Variants in CFAP20DC observed in about 807,000 individuals in gnomAD.
CFAP20DC encodes the protein protein CFAP20DC.
Under a neutral mutation model 101.7 loss-of-function variants are expected in CFAP20DC, and 84 were observed. The ratio of observed to expected loss-of-function variants is 0.83; its 90% CI spans 0.69 to 0.99. The LOEUF is 0.99. CFAP20DC is among the 50% of genes least tolerant of loss of function. The pLI is 0.00. For missense variants in CFAP20DC, 1,007 were observed against 970.3 expected (o/e 1.04, Z -0.50); for synonymous variants, 359 against 351.2 (o/e 1.02, Z -0.25).
intron 4 of CFAP20DC, among the ~76,000 whole-genome samples, chr3:59,003,817 C>T (rs941984408): frequency 5.3e-5 from 8 of 152,148 alleles, no homozygotes; most frequent in Admixed American, 4.6e-4. Context: ...GAAAACAACA[C>T]ATAGTACATA....
At chr3:58,907,489 C>T (rs1352356876) in intron 6 of CFAP20DC, among the ~76,000 whole-genome samples, 1 of 152,198 alleles carries the variant, frequency 6.6e-6, no homozygotes, top group Non-Finnish European at 1.5e-5. Flanking sequence ...AACATCTGCA[C>T]ACTGCATTAT....
intron 3 of CFAP20DC, among the ~76,000 whole-genome samples, chr3:58,730,778 T>C (rs1424008140): frequency 5.3e-5 from 8 of 152,172 alleles, no homozygotes; most frequent in African/African-American, 1.9e-4. Flanking sequence ...ATTCATAAAA[T>C]AACTACAGAA....
Position 58,863,085 on chromosome 3 carries a change from A to C in CFAP20DC, c.1593+473T>G, listed in dbSNP as rs952593233. ...AACTTTAATTGGCACAACTCTTCAA[A>C]TTCTGGGACCATATGGAAAATAATG... is the stretch of plus-strand genomic sequence containing the variant. On this transcript the variant is annotated intron_variant, in intron 12 of 16. Transcript: ENST00000482387. The surrounding 1 kb of genome is among the most constrained non-coding windows in gnomAD (Gnocchi z 5.9). 1.0e-6 allele frequency: 1 copy of C among 996,254 alleles called. No individual in the cohort carries two copies. The highest frequency in any genetic ancestry group is 1.7e-5 in the African/African-American group (1 of 57,686). The allele number at this position is 996,254 out of a possible 1,614,324, so 61.7% of individuals were successfully genotyped here. A position where few individuals can be genotyped will look rare whatever the true frequency, so the allele number is the denominator to read the frequency against.
At chr3:59,028,755 T>A (rs1407412845) in intron 4 of CFAP20DC, among the ~76,000 whole-genome samples, 1 of 152,176 alleles carries the variant, frequency 6.6e-6, no homozygotes, top group East Asian at 1.9e-4. Flanking sequence ...CCAGGCTAAT[T>A]CTGAGGATTA....
chr3:58,828,853 G>A lies in CFAP20DC; in HGVS notation c.2175+2833C>T, dbSNP rs568183483. Among the ~76,000 whole-genome samples, 1,371 of 151,916 alleles carry A rather than the reference G, an allele frequency of 9.0e-3. 11 individuals carry two copies. The highest frequency in any genetic ancestry group is 0.013 in the Non-Finnish European group (853 of 67,934). ...CTGTCATGGGATTAAGGGGAAAAAA[G>A]AAAAAAGGAAAAGTGCCAAGGCTGT... is the stretch of plus-strand genomic sequence containing the variant. On this transcript the variant is annotated intron_variant, in intron 14 of 16. Transcript: ENST00000482387.
intron 14 of CFAP20DC, among the ~76,000 whole-genome samples, chr3:58,808,472 T>C (rs900090174): frequency 6.6e-6 from 1 of 152,166 alleles, no homozygotes; most frequent in African/African-American, 2.4e-5. Flanking sequence ...CTAAGCTTCA[T>C]AAGTGAAGGA....
At chr3:58,969,869 G>A (rs1030198127) in intron 4 of CFAP20DC, among the ~76,000 whole-genome samples, 1 of 152,116 alleles carries the variant, frequency 6.6e-6, no homozygotes, top group African/African-American at 2.4e-5. Context: ...AGGGTAGCAG[G>A]GAGTGGAGAG....
intron 5 of CFAP20DC, among the ~76,000 whole-genome samples, chr3:58,920,060 A>C (rs997670618): frequency 7.3e-6 from 1 of 137,384 alleles, no homozygotes; most frequent in African/African-American, 2.7e-5. Flanking sequence ...ACAAGTGGTT[A>C]GGGTGGATAT....
At chr3:58,860,175 C>CAAAAAAAAAAAAA in intron 12 of CFAP20DC, among the ~76,000 whole-genome samples, 1 of 78,190 alleles carries the variant, frequency 1.3e-5, no homozygotes, top group Non-Finnish European at 2.6e-5. Context: ...AACTCCATCT[C>CAAAAAAAAAAAAA]AAAAAAAAAA....
intron 4 of CFAP20DC, among the ~76,000 whole-genome samples, chr3:59,033,332 C>T (rs9822951): frequency 1.3e-5 from 2 of 151,930 alleles, no homozygotes; most frequent in Admixed American, 6.6e-5. Flanking sequence ...GGGAATAAAA[C>T]TGGATGGAGA....
At position 58,724,570 on chromosome 3, in the gene CFAP20DC, T is replaced by A. The variant is rs571383066; in HGVS notation, c.198-6942A>T. 2.0e-5 allele frequency among the ~76,000 whole-genome samples: 3 copies of A among 152,322 alleles called. No homozygotes were observed. The highest frequency in any genetic ancestry group is 7.2e-5 in the African/African-American group (3 of 41,568). On this transcript the variant is annotated intron_variant, in intron 3 of 3. Transcript: ENST00000486145. The surrounding 1 kb of genome is among the most constrained non-coding windows in gnomAD (Gnocchi z 5.6). Reference sequence around the variant, plus strand: ...TATGCTGTTTGAGCACAAAGGAGATTCGTTTAAATCACTCTTGCTACAGAT... The same window carrying A: ...TATGCTGTTTGAGCACAAAGGAGATACGTTTAAATCACTCTTGCTACAGAT...
At chr3:58,973,364 T>C (rs2092067734) in intron 4 of CFAP20DC, among the ~76,000 whole-genome samples, 1 of 152,222 alleles carries the variant, frequency 6.6e-6, no homozygotes, top group Admixed American at 6.5e-5. Flanking sequence ...AGTTTATCAG[T>C]TACATGTTGA....
chr3:58,860,239 G>C (rs1008823914), intron 12 of CFAP20DC, among the ~76,000 whole-genome samples: 2 of 151,054 alleles, frequency 1.3e-5, no homozygotes, highest in Non-Finnish European at 2.9e-5. Flanking sequence ...ATGTAGGGGT[G>C]AGTGTTTATA....
At chr3:58,867,219 G>A (rs1270708001) in intron 10 of CFAP20DC, among the ~76,000 whole-genome samples, 1 of 152,168 alleles carries the variant, frequency 6.6e-6, no homozygotes, top group Non-Finnish European at 1.5e-5. Flanking sequence ...GCTAACAGAT[G>A]TGTACATGAT....
rs532277069 is a variant in CFAP20DC at position 59,043,490 on chromosome 3, C to T, written c.205+2739G>A. On this transcript the variant is annotated intron_variant, in intron 3 of 16. Transcript: ENST00000482387. Reference sequence around the variant, plus strand: ...GGGTTTTAAACAGAGGAAGTCATGACAAGATAAAAATGATACTAAAGTGGG... The same window carrying T: ...GGGTTTTAAACAGAGGAAGTCATGATAAGATAAAAATGATACTAAAGTGGG... Among the ~76,000 whole-genome samples the T allele has an allele frequency of 9.2e-5, 14 of 151,860 alleles. No individual in the cohort carries two copies. In the South Asian group the frequency reaches 2.9e-3, roughly 32 times the overall value.
chr3:58,952,134 T>C (rs2090185691), intron 4 of CFAP20DC, among the ~76,000 whole-genome samples: 1 of 152,128 alleles, frequency 6.6e-6, no homozygotes, highest in African/African-American at 2.4e-5. Flanking sequence ...ATCATCAGCG[T>C]TGAGTTCATT....
intron 4 of CFAP20DC, among the ~76,000 whole-genome samples, chr3:58,939,062 G>A (rs988375705): frequency 6.6e-6 from 1 of 152,058 alleles, no homozygotes; most frequent in Non-Finnish European, 1.5e-5. Context: ...ATGGGGAGGG[G>A]GAGTGATATG....
chr3:58,921,791 G>A (rs1339426179), intron 5 of CFAP20DC, among the ~76,000 whole-genome samples: 3 of 152,118 alleles, frequency 2.0e-5, no homozygotes, highest in African/African-American at 7.2e-5. Flanking sequence ...TTCTGAGGAA[G>A]GAGTCTTGAA....
chr3:58,855,074 C>T lies in CFAP20DC; in HGVS notation c.1594-5665G>A, dbSNP rs1306916927. 2.0e-3 allele frequency among the ~76,000 whole-genome samples: 300 copies of T among 148,446 alleles called. 2 individuals are homozygous for T. The highest frequency in any genetic ancestry group is 6.7e-3 in the African/African-American group (269 of 40,246). On this transcript the variant is annotated intron_variant, in intron 12 of 16. Transcript: ENST00000482387. ...AACCTACAAAATGGGAGAAAATTTT[C>T]GCAACCTACTCATCTGACAAAGGGC...
Sources: allele counts gnomAD v4.1 joint callset (sites outside exome capture counted in the v4.1 genomes callset), GRCh38; gene constraint gnomAD v4.1.1; non-coding constraint Gnocchi (gnomAD v3.1); transcripts MANE v1.5; gene names NCBI Gene and HGNC (gene_info 2026-07-23, HGNC 2026-07-21).